Variants in NAALADL2 observed in about 807,000 individuals in gnomAD.
NAALADL2 encodes inactive N-acetylated-alpha-linked acidic dipeptidase-like protein 2.
Under a neutral mutation model 87.2 loss-of-function variants are expected in NAALADL2, and 76 were observed. The observed-to-expected ratio is 0.87, with a 90% confidence interval of 0.72 to 1.05. NAALADL2 has a LOEUF of 1.05. Among genes scored for constraint, NAALADL2 ranks in the 50% least tolerant of loss-of-function variants. The pLI, the probability that NAALADL2 is intolerant of heterozygous loss-of-function variation, is 0.00. For missense variants in NAALADL2, 1,089 were observed against 945.8 expected (o/e 1.15, Z -1.99); for synonymous variants, 354 against 331.0 (o/e 1.07, Z -0.75).
At chr3:174,637,158 A>C (rs1274826999) in intron 2 of NAALADL2, among the ~76,000 whole-genome samples, 1 of 152,140 alleles carries the variant, frequency 6.6e-6, no homozygotes, top group Non-Finnish European at 1.5e-5. Context: ...GATAGATACC[A>C]GACAGGGAAG....
At chr3:175,123,802 C>T (rs1219587592) in intron 2 of NAALADL2, among the ~76,000 whole-genome samples, 1 of 151,978 alleles carries the variant, frequency 6.6e-6, no homozygotes, top group Admixed American at 6.6e-5. Flanking sequence ...AAATTTTGTG[C>T]TCTGACAGTA....
In NAALADL2 at chr3:175,335,013, C is replaced by T. The variant is rs565491836; in HGVS notation, c.1090+10688C>T. Among the ~76,000 whole-genome samples the T allele has an allele frequency of 2.0e-5, 3 of 152,240 alleles. No individual in the cohort carries two copies. The South Asian group carries it at 6.2e-4, about 32-fold the overall frequency. Reference sequence around the variant, plus strand: ...GATGACTGAGGCAAACCCTGAAAATCTTAACAGTGGGAAGCTATCTGCTGA... The same window carrying T: ...GATGACTGAGGCAAACCCTGAAAATTTTAACAGTGGGAAGCTATCTGCTGA... On this transcript the variant is annotated intron_variant, in intron 5 of 13. Transcript: ENST00000454872.
chr3:175,133,686 C>T (rs899542050), intron 2 of NAALADL2, among the ~76,000 whole-genome samples: 5 of 152,226 alleles, frequency 3.3e-5, no homozygotes, highest in East Asian at 1.9e-4. Context: ...AGTCCAGCTT[C>T]GGCTTGGCAT....
At chr3:174,679,466 C>A (rs1727332456) in intron 2 of NAALADL2, among the ~76,000 whole-genome samples, 1 of 152,060 alleles carries the variant, frequency 6.6e-6, no homozygotes, top group Non-Finnish European at 1.5e-5. Flanking sequence ...ATTTTATATT[C>A]CATGTCTAAT....
chr3:175,023,056 G>T (rs1025546016), intron 1 of NAALADL2, among the ~76,000 whole-genome samples: 1 of 152,016 alleles, frequency 6.6e-6, no homozygotes, highest in East Asian at 1.9e-4. Flanking sequence ...TAGTTGTACT[G>T]AAGTCATTAT....
chr3:174,703,236 C>T (rs1321968745), intron 2 of NAALADL2, among the ~76,000 whole-genome samples: 2 of 150,996 alleles, frequency 1.3e-5, no homozygotes, highest in Non-Finnish European at 2.9e-5. Context: ...GCCTGCTGGG[C>T]TCAAGTGATC....
intron 5 of NAALADL2, among the ~76,000 whole-genome samples, chr3:175,346,603 TA>T (rs141552196): frequency 0.15 from 22,138 of 152,076 alleles, 2,484 homozygotes; most frequent in African/African-American, 0.32. Context: ...CACAGGCAGT[TA>T]AAAAAATGGT....
intron 5 of NAALADL2, among the ~76,000 whole-genome samples, chr3:175,330,425 AG>A (rs1186394089): frequency 6.8e-6 from 1 of 146,492 alleles, no homozygotes; most frequent in African/African-American, 2.6e-5. Context: ...CCTTGGTTAC[AG>A]AGCTAGACTC....
At chr3:174,747,595 C>T (rs1734381686) in intron 3 of NAALADL2, among the ~76,000 whole-genome samples, 1 of 120,384 alleles carries the variant, frequency 8.3e-6, no homozygotes, top group Non-Finnish European at 1.6e-5. Context: ...GCACTCCAGC[C>T]TGGGTGACAG....
chr3:175,726,067 C>T (rs1742875336), intron 11 of NAALADL2, among the ~76,000 whole-genome samples: 1 of 151,888 alleles, frequency 6.6e-6, no homozygotes, highest in Non-Finnish European at 1.5e-5. Flanking sequence ...TCTCTAGAAA[C>T]AATATGACTA....
chr3:175,059,023 T>C (rs1386376918), intron 1 of NAALADL2, among the ~76,000 whole-genome samples: 1 of 152,208 alleles, frequency 6.6e-6, no homozygotes, highest in African/African-American at 2.4e-5. Flanking sequence ...TGCTTTATAA[T>C]GGGTTTCTTC....
At chr3:175,392,221 A>T (rs1353260428) in intron 5 of NAALADL2, among the ~76,000 whole-genome samples, 3 of 152,196 alleles carry the variant, frequency 2.0e-5, no homozygotes, top group Admixed American at 2.0e-4. Context: ...TGAAACTTAC[A>T]TATTTAGCAC....
At chr3:175,685,883 C>A (rs762160383) in intron 11 of NAALADL2, among the ~76,000 whole-genome samples, 1 of 152,204 alleles carries the variant, frequency 6.6e-6, no homozygotes, top group African/African-American at 2.4e-5. Context: ...GAAAGGCAAT[C>A]TGCTTTATTT....
At chr3:175,023,473 G>A (rs528534505) in intron 1 of NAALADL2, among the ~76,000 whole-genome samples, 1 of 151,970 alleles carries the variant, frequency 6.6e-6, no homozygotes, top group South Asian at 2.1e-4. Flanking sequence ...TGAGTTGGAC[G>A]TTCCTGTTGT....
At chr3:174,794,905 T>C (rs537726996) in intron 3 of NAALADL2, among the ~76,000 whole-genome samples, 3 of 151,546 alleles carry the variant, frequency 2.0e-5, no homozygotes, top group South Asian at 4.2e-4. Context: ...TTAAACAATG[T>C]ACTTGCAAAA....
chr3:175,370,295 T>A (rs1037693084), intron 5 of NAALADL2, among the ~76,000 whole-genome samples: 6 of 152,126 alleles, frequency 3.9e-5, no homozygotes, highest in African/African-American at 1.4e-4. Flanking sequence ...ATATCAAATT[T>A]TAATAAAATA....
In NAALADL2 at chr3:174,971,822, C is replaced by T. The variant is rs112583587; in HGVS notation, c.43+112372C>T. On this transcript the variant is annotated intron_variant, in intron 1 of 13. Coordinates refer to ENST00000454872, the MANE Select transcript of NAALADL2 (RefSeq NM_207015.3). ...AAGCAATTCTCCTGTCTCAGCTTCCCGGGTAGCTGCAATTACAGGCACATG... is the reference window on the plus strand; with the variant it reads ...AAGCAATTCTCCTGTCTCAGCTTCCTGGGTAGCTGCAATTACAGGCACATG... Among the ~76,000 whole-genome samples the T allele has an allele frequency of 8.0e-3, 1,224 of 152,102 alleles. 18 individuals carry two copies. The highest frequency in any genetic ancestry group is 0.028 in the African/African-American group (1,148 of 41,502).
Position 175,808,749 on chromosome 3 carries a change from T to C in NAALADL2, c.*5546T>C, listed in dbSNP as rs570599563. ...GCTCAAGAGATTAATATACAATCAT[T>C]ATTATGAATTATTATGTTGCATTGA... is the stretch of plus-strand genomic sequence containing the variant. On this transcript the variant is annotated 3_prime_UTR_variant, in exon 14 of 14. Coordinates refer to ENST00000454872, the MANE Select transcript of NAALADL2 (RefSeq NM_207015.3). 3 of 151,576 alleles carry C rather than the reference T, an allele frequency of 2.0e-5. No homozygotes were observed. The highest frequency in any genetic ancestry group is 3.9e-4 in the East Asian group (2 of 5,172). 9.4% of individuals were successfully genotyped at this position (151,576 alleles called of 1,614,324 possible).
At chr3:175,125,961 G>C (rs772462787) in intron 2 of NAALADL2, among the ~76,000 whole-genome samples, 1 of 152,016 alleles carries the variant, frequency 6.6e-6, no homozygotes, top group Non-Finnish European at 1.5e-5. Context: ...AAATTGAAAG[G>C]CAATACTCCT....
Sources: allele counts gnomAD v4.1 joint callset (sites outside exome capture counted in the v4.1 genomes callset), GRCh38; gene constraint gnomAD v4.1.1; transcripts MANE v1.5; gene names NCBI Gene and HGNC (gene_info 2026-07-23, HGNC 2026-07-21).